Variants in SUCLG2 observed in about 807,000 individuals in gnomAD.
SUCLG2 encodes the protein succinate--CoA ligase [GDP-forming] subunit beta, mitochondrial.
SUCLG2 carries 42 observed loss-of-function variants against 47.9 expected under a neutral mutation model. The observed-to-expected ratio is 0.88, with a 90% CI of 0.69 to 1.14. The LOEUF (loss-of-function observed/expected upper bound fraction) is 1.14, where lower values mean the gene tolerates loss of function less well. Ranked by LOEUF, SUCLG2 falls within the 50% of genes most tolerant of loss-of-function variation. The probability of loss-of-function intolerance (pLI) is 0.00; values close to 1 mark genes in which losing one functional copy is unlikely to be tolerated. For missense variants in SUCLG2, 571 were observed against 525.9 expected (o/e 1.09, Z -0.84); for synonymous variants, 195 against 197.3 (o/e 0.99, Z 0.10).
At chr3:67,597,186 T>A (rs910818316) in intron 2 of SUCLG2, among the ~76,000 whole-genome samples, 2 of 152,212 alleles carry the variant, frequency 1.3e-5, no homozygotes, top group African/African-American at 4.8e-5. Context: ...ACCCTGGACA[T>A]AAGGCTGGCA....
intron 10 of SUCLG2, among the ~76,000 whole-genome samples, chr3:67,399,619 A>G (rs549811879): frequency 6.6e-6 from 1 of 151,964 alleles, no homozygotes; most frequent in Non-Finnish European, 1.5e-5. Context: ...AACAAATGTG[A>G]TTTTTTTTAT....
chr3:67,459,719 A>C (rs1402452815), intron 9 of SUCLG2, among the ~76,000 whole-genome samples: 1 of 152,248 alleles, frequency 6.6e-6, no homozygotes, highest in East Asian at 1.9e-4. Flanking sequence ...GGACTTAAAC[A>C]TACAAGGATT....
intron 2 of SUCLG2, among the ~76,000 whole-genome samples, chr3:67,607,073 G>T (rs6796037): frequency 0.5 from 76,531 of 152,016 alleles, 20,534 homozygotes; most frequent in African/African-American, 0.69. Flanking sequence ...CTCTCAACCT[G>T]TGCTACTGAT....
intron 2 of SUCLG2, among the ~76,000 whole-genome samples, chr3:67,606,525 T>A (rs1309268493): frequency 6.6e-6 from 1 of 152,070 alleles, no homozygotes; most frequent in Non-Finnish European, 1.5e-5. Context: ...CACTTCCCAA[T>A]CCCCAAACCA....
intron 10 of SUCLG2, among the ~76,000 whole-genome samples, chr3:67,385,522 G>C (rs189903751): frequency 2.8e-3 from 426 of 152,330 alleles, no homozygotes; most frequent in African/African-American, 9.6e-3. Flanking sequence ...GAGAAAGTTG[G>C]CATGGGTAGT....
chr3:67,383,730 T>C (rs1479258241), intron 10 of SUCLG2, among the ~76,000 whole-genome samples: 1 of 152,142 alleles, frequency 6.6e-6, no homozygotes, highest in Admixed American at 6.5e-5. Context: ...TGCTACGTGC[T>C]TATGCTTTCA....
exon 11 of SUCLG2, chr3:67,360,578 T>C: frequency 6.9e-7 from 1 of 1,441,252 alleles, no homozygotes; most frequent in Non-Finnish European, 9.1e-7. Context: ...TGTGATGATA[T>C]TCATTAATTT....
intron 8 of SUCLG2, 63 bp downstream of exon 8, chr3:67,498,071 A>C: frequency 6.7e-7 from 1 of 1,493,276 alleles, no homozygotes; most frequent in African/African-American, 1.4e-5. Flanking sequence ...CATTTCAGAA[A>C]TCAAGGTTTC....
At chr3:67,457,659 T>A (rs1302946623) in intron 9 of SUCLG2, among the ~76,000 whole-genome samples, 1 of 147,214 alleles carries the variant, frequency 6.8e-6, no homozygotes, top group Admixed American at 6.8e-5. Context: ...TATATCTACT[T>A]ATAACAACAA....
At chr3:67,418,923 T>C (rs1288030433) in intron 9 of SUCLG2, among the ~76,000 whole-genome samples, 1 of 152,048 alleles carries the variant, frequency 6.6e-6, no homozygotes, top group Non-Finnish European at 1.5e-5. Context: ...GTGAATGTTA[T>C]AAGAAATGCA....
intron 10 of SUCLG2, among the ~76,000 whole-genome samples, chr3:67,378,282 T>A (rs1034926207): frequency 6.6e-6 from 1 of 152,204 alleles, no homozygotes; most frequent in Non-Finnish European, 1.5e-5. Context: ...TTCTAATAGA[T>A]AAGAACATGG....
chr3:67,561,727 T>C (rs1707312727), intron 2 of SUCLG2, among the ~76,000 whole-genome samples: 1 of 152,200 alleles, frequency 6.6e-6, no homozygotes, highest in South Asian at 2.1e-4. Context: ...TTCTTGCAGT[T>C]TCACTTTTCA....
chr3:67,649,026 A>G (rs1701240716), intron 1 of SUCLG2, among the ~76,000 whole-genome samples: 1 of 152,240 alleles, frequency 6.6e-6, no homozygotes, highest in African/African-American at 2.4e-5. Flanking sequence ...GTTATAAAGA[A>G]CAAAGCAGAT....
chr3:67,529,067 A>G lies in SUCLG2; in HGVS notation c.326+20T>C. On this transcript the variant is annotated intron_variant, in intron 3 of 10. Transcript: ENST00000307227. ...TAACTGCTTGGCCAAAAGACAAGGA[A>G]TAACAACCTCCAGACTTACTCTTTT... is the stretch of plus-strand genomic sequence containing the variant. The G allele has an allele frequency of 6.3e-7, 1 of 1,588,680 alleles. No individual in the cohort carries two copies. The highest frequency in any genetic ancestry group is 8.6e-7 in the Non-Finnish European group (1 of 1,166,868).
chr3:67,438,456 G>GTTT (rs901690849), intron 9 of SUCLG2, among the ~76,000 whole-genome samples: 1 of 150,918 alleles, frequency 6.6e-6, no homozygotes, highest in African/African-American at 2.4e-5. Context: ...TCCAAGAGCT[G>GTTT]TTTTTTTTTA....
At position 67,374,827 on chromosome 3, in the gene SUCLG2, T is replaced by C. The variant is rs1203565406; in HGVS notation, c.*917A>G. ...TTTCCCACAACAAAATTGGACATCA[T>C]GGAAAAAAAAAACACATTCAAATAA... On this transcript the variant is annotated 3_prime_UTR_variant, in exon 11 of 11. Coordinates refer to ENST00000307227, the MANE Select transcript of SUCLG2 (RefSeq NM_003848.4). 2.2e-6 allele frequency: 2 copies of C among 915,622 alleles called. No individual in the cohort carries two copies. The highest frequency in any genetic ancestry group is 8.4e-5 in the Admixed American group (1 of 11,922). 56.7% of individuals were successfully genotyped at this position (915,622 alleles called of 1,614,324 possible).
intron 1 of SUCLG2, among the ~76,000 whole-genome samples, chr3:67,652,159 T>TG (rs1701297032): frequency 8.0e-6 from 1 of 124,272 alleles, no homozygotes; most frequent in African/African-American, 3.1e-5. Flanking sequence ...ACAGCAAAGG[T>TG]GAAAAAAAAA....
At chr3:67,382,538 C>A (rs1702181379) in intron 10 of SUCLG2, among the ~76,000 whole-genome samples, 1 of 152,150 alleles carries the variant, frequency 6.6e-6, no homozygotes, top group Non-Finnish European at 1.5e-5. Flanking sequence ...AAAATTGAGC[C>A]AGCTGCCTCT....
chr3:67,641,541 C>T (rs1164468875), intron 1 of SUCLG2, among the ~76,000 whole-genome samples: 1 of 152,206 alleles, frequency 6.6e-6, no homozygotes, highest in Non-Finnish European at 1.5e-5. Context: ...ACCACACCCA[C>T]GTTGTCTCAA....
Sources: gnomAD v4.1 joint callset for allele counts (sites outside exome capture counted in the v4.1 genomes callset) on GRCh38, gnomAD v4.1.1 for gene constraint, MANE v1.5 for transcripts, NCBI Gene and HGNC (gene_info 2026-07-23, HGNC 2026-07-21) for gene names.